The following ZNF549 variants were observed in gnomAD, a reference collection of about 807,000 sequenced individuals.
ZNF549 encodes the protein zinc finger protein 549.
A neutral mutation model predicts 11.1 loss-of-function variants in ZNF549; 11 were observed. That is an observed-to-expected ratio of 0.99 (90% confidence interval 0.62 to 1.64). ZNF549 has a LOEUF of 1.64. ZNF549 is among the 40% of genes most tolerant of loss of function. The pLI is 0.00. For synonymous variants in ZNF549, 266 were observed against 269.1 expected (o/e 0.99, Z 0.11); for missense variants, 748 against 765.1 (o/e 0.98, Z 0.26).
intron 1 of ZNF549, among the ~76,000 whole-genome samples, chr19:57,528,060 T>C (rs998420874): frequency 2.0e-5 from 3 of 152,118 alleles, no homozygotes; most frequent in Non-Finnish European, 2.9e-5. Context: ...GCAGGGATAC[T>C]GGTGAGGAGA....
chr19:57,538,827 C>G lies in ZNF549; in HGVS notation c.1823C>G (p.Thr608Ser). 6.2e-7 allele frequency: 1 copy of G among 1,614,084 alleles called. No individual in the cohort carries two copies. Among genetic ancestry groups the G allele is most frequent in the South Asian group, 1.1e-5 (1 of 91,082 alleles). ...CTTGTTGAGCATCAGCGAATCCACA[C>G]CGGAGAAAAGCCGTATGAATGTGGT... ...NKLVEHQRIH[T>S]GEKPYECGKC... Residue 608 changes from threonine to serine, a missense_variant, in exon 4 of 4, where the codon ACC becomes AGC. Transcript: ENST00000376233.
intron 3 of ZNF549, among the ~76,000 whole-genome samples, chr19:57,536,746 T>C (rs771564985): frequency 6.6e-6 from 1 of 152,198 alleles, no homozygotes; most frequent in Non-Finnish European, 1.5e-5. Flanking sequence ...AGAGGCCTAA[T>C]ACTGCAAGTA....
chr19:57,529,763 G>A (rs756433942), intron 1 of ZNF549, among the ~76,000 whole-genome samples: 1 of 152,138 alleles, frequency 6.6e-6, no homozygotes, highest in East Asian at 1.9e-4. Flanking sequence ...GTGGGCGCCC[G>A]TAGTCCCAGC....
Position 57,538,921 on chromosome 19 carries a change from G to T in ZNF549, c.1917G>T (p.Glu639Asp), listed in dbSNP as rs780482095. 1.3e-6 allele frequency: 2 copies of T among 1,597,370 alleles called. No individual in the cohort carries two copies. Among genetic ancestry groups the T allele is most frequent in the Non-Finnish European group, 1.7e-6 (2 of 1,176,714 alleles). Residue 639 changes from glutamate (E) to aspartate (D), a missense_variant, in exon 4 of 4, where the codon GAG (glutamate) becomes GAT (aspartate). Coordinates refer to ENST00000376233, the MANE Select transcript of ZNF549 (RefSeq NM_001199295.2). Reference protein sequence around the residue: ...VRHQKVHITEEP With the variant: ...VRHQKVHITEDP ...ACCAGAAGGTACATATAACAGAAGA[G>T]CCCTAGCAATTGTTGGGATGTGTAA...
chr19:57,531,080 T>C lies in ZNF549; in HGVS notation c.44T>C (p.Val15Ala), dbSNP rs1248181221. Residue 15 changes from valine to alanine, a missense_variant, in exon 2 of 4, where the codon GTA becomes GCA. Val to Ala is a moderately conservative substitution (Grantham distance 64, BLOSUM62 0). Coordinates refer to ENST00000376233, the MANE Select transcript of ZNF549 (RefSeq NM_001199295.2). ...ALVITPQIPMVTEEFVKPSQG... is the reference protein window; with the variant it reads ...ALVITPQIPMATEEFVKPSQG... The stretch of plus-strand genomic sequence containing the variant: ...TCCCTCTTCCTACAGATTCCCATGG[T>C]AACAGAAGAGTTTGTGAAACCATCA... 6.3e-7 allele frequency: 1 copy of C among 1,598,266 alleles called. No individual in the cohort carries two copies. Among genetic ancestry groups the C allele is most frequent in the Admixed American group, 1.7e-5 (1 of 59,994 alleles).
At chr19:57,533,660 A>G (rs77780688) in intron 2 of ZNF549, among the ~76,000 whole-genome samples, 3,120 of 152,268 alleles carry the variant, frequency 0.02, 35 homozygotes, top group Non-Finnish European at 0.033. Context: ...ACCTTCCAGC[A>G]ATTTATGCAT....
Position 57,527,410 on chromosome 19 carries a change from C to G in ZNF549, c.-164C>G, listed in dbSNP as rs1287775091. On this transcript the variant is annotated 5_prime_UTR_variant, in exon 1 of 4. Transcript: ENST00000376233. ...GCTGGGCGTTTCCGGCTCGCTGGGT[C>G]CGGGCCAGGTAACTGGAGCCGGAAA... The G allele has an allele frequency of 4.9e-6, 5 of 1,022,680 alleles. No individual in the cohort carries two copies. Among genetic ancestry groups the G allele is most frequent in the South Asian group, 1.4e-5 (1 of 73,046 alleles). The allele number at this position is 1,022,680 out of a possible 1,614,324, so 63.4% of individuals were successfully genotyped here.
At position 57,537,672 on chromosome 19, in the gene ZNF549, A is replaced by G; in HGVS notation, c.668A>G (p.Lys223Arg). 6.2e-7 allele frequency: 1 copy of G among 1,614,202 alleles called. No individual in the cohort carries two copies. ...GAGACCTTTCAACAAAGACGTTACAAATGTGAGCAAGTTTTCAATGAGAAA... is the reference window on the plus strand; with the variant it reads ...GAGACCTTTCAACAAAGACGTTACAGATGTGAGCAAGTTTTCAATGAGAAA... The part of the protein sequence containing the change: ...SRETFQQRRY[K>R]CEQVFNEKVH... Residue 223 changes from lysine to arginine, a missense_variant, in exon 4 of 4, where the codon AAA becomes AGA. By Grantham distance (26) the Lys-to-Arg change is conservative. Transcript: ENST00000376233.
chr19:57,538,863 A>T lies in ZNF549; in HGVS notation c.1859A>T (p.Lys620Ile). Residue 620 changes from lysine to isoleucine, a missense_variant, in exon 4 of 4, where the codon AAA (lysine) becomes ATA (isoleucine). By Grantham distance (102) the Lys-to-Ile change is moderately radical. Transcript: ENST00000376233. ...CCGTATGAATGTGGTAAATGTGGGA[A>T]AGCCTTCAACAAAAGATATTCCCTT... ...EKPYECGKCG[K>I]AFNKRYSLVR... 1 of 1,612,370 alleles carries T rather than the reference A, an allele frequency of 6.2e-7. No homozygotes were observed. Among genetic ancestry groups the T allele is most frequent in the Non-Finnish European group, 8.5e-7 (1 of 1,180,036 alleles).
chr19:57,530,892 G>A (rs966976660), intron 1 of ZNF549, among the ~76,000 whole-genome samples, 178 bp from the exon 2 acceptor site: 1 of 151,656 alleles, frequency 6.6e-6, no homozygotes, highest in African/African-American at 2.4e-5. Flanking sequence ...GTATGAATGA[G>A]TTTGATGCCT....
In ZNF549 at chr19:57,539,347, G is replaced by GTTT. The variant is rs571365765; in HGVS notation, c.*432_*434dup. On this transcript the variant is annotated 3_prime_UTR_variant, in exon 4 of 4. Coordinates refer to ENST00000376233, the MANE Select transcript of ZNF549 (RefSeq NM_001199295.2). ...CCATGGAGGTTTACCTTCTTCATAG[G>GTTT]TTTTTTTTTTTTTTATGTGATTGCC... 2.7e-5 allele frequency: 4 copies of GTTT among 147,284 alleles called. No homozygotes were observed. Among genetic ancestry groups the GTTT allele is most frequent in the South Asian group, 2.1e-4 (1 of 4,872 alleles). 9.1% of individuals were successfully genotyped at this position (147,284 alleles called of 1,614,324 possible). A position where few individuals can be genotyped will look rare whatever the true frequency, so the allele number is the denominator to read the frequency against.
At chr19:57,534,607 A>C (rs1600164554) in intron 2 of ZNF549, among the ~76,000 whole-genome samples, 1 of 152,202 alleles carries the variant, frequency 6.6e-6, no homozygotes. Flanking sequence ...CTGAGCTCAC[A>C]CAAGGTCTGA....
chr19:57,537,443 C>G lies in ZNF549; in HGVS notation c.439C>G (p.Leu147Val). 6.2e-7 allele frequency: 1 copy of G among 1,614,216 alleles called. No homozygotes were observed. Among genetic ancestry groups the G allele is most frequent in the Non-Finnish European group, 8.5e-7 (1 of 1,180,044 alleles). Residue 147 changes from leucine (L) to valine (V), a missense_variant, in exon 4 of 4, where the codon CTG becomes GTG. Transcript: ENST00000376233. Reference sequence around the variant, plus strand: ...GAAATGGTTTTCATTTGGTTCTAACCTGCAACAGCACCAGAACCAGGACAG... The same window carrying G: ...GAAATGGTTTTCATTTGGTTCTAACGTGCAACAGCACCAGAACCAGGACAG... ...SGKWFSFGSN[L>V]QQHQNQDSGE...
rs1336820796 is a variant in ZNF549, at chr19:57,537,441, A to G, written c.437A>G (p.Asn146Ser). ...ASGKWFSFGS[N>S]LQQHQNQDSG... The stretch of plus-strand genomic sequence containing the variant: ...GGGAAATGGTTTTCATTTGGTTCTA[A>G]CCTGCAACAGCACCAGAACCAGGAC... The change falls in exon 4 of 4, where the codon AAC becomes AGC. Residue 146 changes from asparagine to serine, a missense_variant. Coordinates refer to ENST00000376233, the MANE Select transcript of ZNF549 (RefSeq NM_001199295.2). 3.1e-6 allele frequency: 5 copies of G among 1,614,216 alleles called. No homozygotes were observed. Among genetic ancestry groups the G allele is most frequent in the Non-Finnish European group, 4.2e-6 (5 of 1,180,042 alleles).
rs531261416 is a variant in ZNF549 at position 57,538,363 on chromosome 19, A to T, written c.1359A>T (p.Ser453=). The T allele has an allele frequency of 1.9e-6, 3 of 1,612,852 alleles. No homozygotes were observed. The Admixed American group carries it at 5.0e-5, about 27-fold the overall frequency. The change falls in exon 4 of 4, where the codon TCA becomes TCT. Residue 453 remains serine (S), a synonymous_variant. Coordinates refer to ENST00000376233, the MANE Select transcript of ZNF549 (RefSeq NM_001199295.2). ...ATGTGTGCATCATATGTGGGAAATC[A>T]TTTATCCGCTCGTCTGACTACATGC... ...KPYVCIICGK[S]FIRSSDYMRH...
Position 57,535,168 on chromosome 19 carries a change from G to T in ZNF549, c.97G>T (p.Ala33Ser), listed in dbSNP as rs748430447. 3.7e-6 allele frequency: 6 copies of T among 1,614,090 alleles called. No individual in the cohort carries two copies. In the East Asian group the frequency reaches 1.3e-4, roughly 36 times the overall value. ...SQGHVTFEDIAVYFSQEEWGL... is the reference protein window; with the variant it reads ...SQGHVTFEDISVYFSQEEWGL... ...GGGCCATGTGACCTTTGAGGATATT[G>T]CTGTGTACTTCTCCCAGGAGGAGTG... Residue 33 changes from alanine to serine, a missense_variant, in exon 3 of 4, where the codon GCT becomes TCT. Coordinates refer to ENST00000376233, the MANE Select transcript of ZNF549 (RefSeq NM_001199295.2).
chr19:57,535,632 C>G (rs2089921261), intron 3 of ZNF549, among the ~76,000 whole-genome samples: 1 of 152,146 alleles, frequency 6.6e-6, no homozygotes, highest in Non-Finnish European at 1.5e-5. Context: ...TCAGGAATTA[C>G]AGGTACTTAC....
rs899258850 is a variant in ZNF549 at position 57,537,522 on chromosome 19, G to A, written c.518G>A (p.Cys173Tyr). The A allele has an allele frequency of 1.2e-6, 2 of 1,614,182 alleles. No homozygotes were observed. The highest frequency in any genetic ancestry group is 1.7e-6 in the Non-Finnish European group (2 of 1,180,032). ...EESSALLLNS[C>Y]KIPLSDNLFP... ...AGCAGTGCCTTGCTTCTGAATAGCT[G>A]CAAAATTCCTCTGTCAGACAATCTT... The change falls in exon 4 of 4, where the codon TGC (cysteine) becomes TAC (tyrosine). Residue 173 changes from cysteine (C) to tyrosine (Y), a missense_variant. By Grantham distance (194) the Cys-to-Tyr change is radical (BLOSUM62 -2). Coordinates refer to ENST00000376233, the MANE Select transcript of ZNF549 (RefSeq NM_001199295.2).
chr19:57,530,115 A>AGGGT, intron 1 of ZNF549, among the ~76,000 whole-genome samples: 1 of 152,206 alleles, frequency 6.6e-6, no homozygotes, highest in East Asian at 1.9e-4. Context: ...GAGATGGCTT[A>AGGGT]GGGTGAGCAG....
Sources: allele counts gnomAD v4.1 joint callset (sites outside exome capture counted in the v4.1 genomes callset), GRCh38; gene constraint gnomAD v4.1.1; transcripts MANE v1.5; gene names NCBI Gene and HGNC (gene_info 2026-07-23, HGNC 2026-07-21).